Variants in ACSM6 observed in about 807,000 individuals in gnomAD.
ACSM6 encodes the protein acyl-coenzyme A synthetase ACSM6, mitochondrial.
Under a neutral mutation model 51.1 loss-of-function variants are expected in ACSM6, and 35 were observed. That is an observed-to-expected ratio of 0.69 (90% CI 0.52 to 0.91). The LOEUF is 0.91. ACSM6 is among the 40% of genes least tolerant of loss of function. ACSM6 has a pLI of 0.00. For synonymous variants in ACSM6, 172 were observed against 207.3 expected (o/e 0.83, Z 1.46); for missense variants, 509 against 584.1 (o/e 0.87, Z 1.32).
chr10:95,220,138 T>C (rs2034982829), intron 9 of ACSM6, among the ~76,000 whole-genome samples, 167 bp downstream of exon 9: 1 of 152,154 alleles, frequency 6.6e-6, no homozygotes, highest in African/African-American at 2.4e-5. Context: ...TCAATATCCT[T>C]TTGGAATACA....
chr10:95,207,544 A>G lies in ACSM6; in HGVS notation c.611+129A>G, dbSNP rs886234851. ...AATGGCAATTTCTATGCAAGATTAG[A>G]TGATGTATGAGAAGGTGGTGTGAGT... On this transcript the variant is annotated intron_variant, in intron 4 of 10. Transcript: ENST00000341686. 1.5e-5 allele frequency: 14 copies of G among 935,472 alleles called. No homozygotes were observed. The African/African-American group carries it at 2.3e-4, about 15-fold the overall frequency. The allele number at this position is 935,472 out of a possible 1,614,324, so 57.9% of individuals were successfully genotyped here.
rs775473572 is a variant in ACSM6, at chr10:95,212,001, C to T, written c.879C>T (p.His293=). ...AAGGAGCCTGTGTGTTTCTGTGTCA[C>T]ATGCCAACCTTCTGCCCTGAGACTG... is the stretch of plus-strand genomic sequence containing the variant. The change falls in exon 6 of 11, where the codon CAC becomes CAT. Residue 293 remains histidine, a synonymous_variant. Transcript: ENST00000341686. The T allele has an allele frequency of 1.9e-6, 3 of 1,614,136 alleles. No homozygotes were observed. The Admixed American group carries it at 5.0e-5, about 27-fold the overall frequency.
chr10:95,228,460 A>G (rs922774946), intron 10 of ACSM6, 184 bp from the exon 11 acceptor site: 3 of 550,196 alleles, frequency 5.5e-6, no homozygotes, highest in Non-Finnish European at 9.0e-6. Context: ...GCTGAAGTTA[A>G]GAGAAATGAC....
chr10:95,202,497 C>T (rs2034804027), intron 3 of ACSM6, among the ~76,000 whole-genome samples: 1 of 152,146 alleles, frequency 6.6e-6, no homozygotes, highest in Non-Finnish European at 1.5e-5. Flanking sequence ...ATCCACAGAG[C>T]GCTTAGCTCA....
At chr10:95,222,858 T>TTATTCTTATTACCAA (rs377033957) in intron 9 of ACSM6, among the ~76,000 whole-genome samples, 2 of 151,868 alleles carry the variant, frequency 1.3e-5, no homozygotes, top group African/African-American at 4.9e-5. Context: ...ACCAAAATAA[T>TTATTCTTATTACCAA]AATAATAATA....
intron 8 of ACSM6, 82 bp downstream of exon 8, chr10:95,215,057 A>T: frequency 6.8e-7 from 1 of 1,473,188 alleles, no homozygotes; most frequent in Non-Finnish European, 9.1e-7. Flanking sequence ...AGCACTAAGC[A>T]CGCACTAGAA....
At chr10:95,195,399 G>C (rs984246560) in intron 2 of ACSM6, among the ~76,000 whole-genome samples, 21 of 152,134 alleles carry the variant, frequency 1.4e-4, no homozygotes, top group African/African-American at 5.1e-4. Flanking sequence ...AAAGAAGGAA[G>C]AGTATTCAGG....
chr10:95,200,638 C>T (rs1233957595), intron 2 of ACSM6, among the ~76,000 whole-genome samples: 1 of 139,920 alleles, frequency 7.1e-6, no homozygotes, highest in Non-Finnish European at 1.6e-5. Flanking sequence ...AGACTCTAAA[C>T]AGGTCAGAAC....
intron 9 of ACSM6, among the ~76,000 whole-genome samples, chr10:95,222,542 G>T (rs1171595944): frequency 6.6e-6 from 1 of 151,664 alleles, no homozygotes; most frequent in African/African-American, 2.4e-5. Flanking sequence ...AGAATCACTT[G>T]AACGCGGGAG....
intron 9 of ACSM6, among the ~76,000 whole-genome samples, chr10:95,220,187 A>G (rs2034983099): frequency 6.6e-6 from 1 of 152,210 alleles, no homozygotes; most frequent in South Asian, 2.1e-4. Flanking sequence ...GATGCTGACA[A>G]TTTTGCAGAA....
chr10:95,227,212 C>T (rs1442878024), intron 10 of ACSM6, among the ~76,000 whole-genome samples: 1 of 152,130 alleles, frequency 6.6e-6, no homozygotes, highest in Non-Finnish European at 1.5e-5. Context: ...GTCTGGAACT[C>T]CTGACTTCAA....
chr10:95,201,259 TA>T (rs1164214852), intron 2 of ACSM6, among the ~76,000 whole-genome samples: 1 of 152,198 alleles, frequency 6.6e-6, no homozygotes, highest in Non-Finnish European at 1.5e-5. Context: ...GCTTCTAGTG[TA>T]CTCATCACCC....
Position 95,219,983 on chromosome 10 carries a change from T to C in ACSM6, c.1200+12T>C, listed in dbSNP as rs779403652. The stretch of plus-strand genomic sequence containing the variant: ...CTTATATTGTCCAGGTAGGAGATCA[T>C]AGTAATGATTATGACAGATATTATT... On this transcript the variant is annotated intron_variant, in intron 9 of 10. Transcript: ENST00000341686. 8 of 1,579,414 alleles carry C rather than the reference T, an allele frequency of 5.1e-6. No individual in the cohort carries two copies. Among genetic ancestry groups the C allele is most frequent in the African/African-American group, 4.1e-5 (3 of 74,054 alleles).
At chr10:95,214,324 T>C (rs533626759) in intron 7 of ACSM6, among the ~76,000 whole-genome samples, 116 of 152,292 alleles carry the variant, frequency 7.6e-4, no homozygotes, top group Middle Eastern at 3.4e-3. Flanking sequence ...CCACTGGACA[T>C]CACCAAAATC....
rs199555649 is a variant in ACSM6, at chr10:95,210,808, C to T, written c.755+15C>T. On this transcript the variant is annotated intron_variant, in intron 5 of 10. Transcript: ENST00000341686. Reference sequence around the variant, plus strand: ...CAGGCTTCCAGGTACGGTTCTCGCACAGCCTGTACAGGCCTGAAAGTTGTT... The same window carrying T: ...CAGGCTTCCAGGTACGGTTCTCGCATAGCCTGTACAGGCCTGAAAGTTGTT... The T allele has an allele frequency of 8.1e-6, 13 of 1,610,828 alleles. No individual in the cohort carries two copies. The East Asian group carries it at 1.3e-4, about 17-fold the overall frequency.
chr10:95,207,482 A>T, intron 4 of ACSM6, 67 bp downstream of exon 4: 1 of 1,504,424 alleles, frequency 6.6e-7, no homozygotes, highest in Non-Finnish European at 9.2e-7. Flanking sequence ...ATGATGATAT[A>T]TGAGAAAGTG....
chr10:95,224,998 A>G (rs1003808511), intron 9 of ACSM6, among the ~76,000 whole-genome samples: 1 of 152,184 alleles, frequency 6.6e-6, no homozygotes, highest in Non-Finnish European at 1.5e-5. Flanking sequence ...TGCACTTTAA[A>G]TCTCTGATTT....
chr10:95,213,522 T>G (rs1362923356), intron 7 of ACSM6, among the ~76,000 whole-genome samples: 1 of 152,236 alleles, frequency 6.6e-6, no homozygotes, highest in African/African-American at 2.4e-5. Context: ...TTTCACACTA[T>G]TCCTTAAAGC....
chr10:95,203,165 C>A (rs957096198), intron 3 of ACSM6, among the ~76,000 whole-genome samples: 8 of 151,952 alleles, frequency 5.3e-5, no homozygotes, highest in Non-Finnish European at 1.0e-4. Flanking sequence ...GAGCGCAAAT[C>A]CTATTGTGAA....
Sources: gnomAD v4.1 joint callset for allele counts (sites outside exome capture counted in the v4.1 genomes callset) on GRCh38, gnomAD v4.1.1 for gene constraint, MANE v1.5 for transcripts, NCBI Gene and HGNC (gene_info 2026-07-23, HGNC 2026-07-21) for gene names.